SLC30A7: variants seen among roughly 807,000 people sequenced by gnomAD.
SLC30A7 encodes the protein solute carrier family 30 member 7.
In SLC30A7, 35 loss-of-function variants were observed where a neutral mutation model predicts 46.0. The ratio of observed to expected loss-of-function variants is 0.76; its 90% CI spans 0.58 to 1.01. SLC30A7 has a LOEUF of 1.01. Among genes scored for constraint, SLC30A7 ranks in the 50% least tolerant of loss-of-function variants. SLC30A7 has a pLI of 0.00. For synonymous variants in SLC30A7, 147 were observed against 157.8 expected (o/e 0.93, Z 0.51); for missense variants, 464 against 451.1 (o/e 1.03, Z -0.26).
chr1:100,955,047 G>A lies in SLC30A7; in HGVS notation c.843-6781G>A, dbSNP rs1300898736. ...TTCATCAAGATGAATCTGTAATCTT[G>A]TTTTAATTAATATTACTTGACATTT... is the stretch of plus-strand genomic sequence containing the variant. On this transcript the variant is annotated intron_variant, in intron 8 of 10. Transcript: ENST00000357650. Among the ~76,000 whole-genome samples the A allele has an allele frequency of 1.3e-5, 2 of 151,930 alleles. 1 individual carries two copies. The highest frequency in any genetic ancestry group is 4.8e-5 in the African/African-American group (2 of 41,406).
In SLC30A7 at chr1:100,912,150, G is replaced by C. The variant is rs539648466; in HGVS notation, c.423G>C (p.Leu141=). 6.8e-6 allele frequency: 11 copies of C among 1,613,760 alleles called. No homozygotes were observed. The highest frequency in any genetic ancestry group is 1.6e-4 in the Middle Eastern group (1 of 6,084). The change falls in exon 5 of 11, where the codon CTG becomes CTC. Residue 141 remains leucine (L), a synonymous_variant. Transcript: ENST00000357650. ...CTCCAGATGTCCACCATGAGAGACT[G>C]CTTCTTGTTTCCATTCTTGGGTTTG... ...LAPPDVHHER[L]LLVSILGFVV...
intron 8 of SLC30A7, among the ~76,000 whole-genome samples, chr1:100,961,350 T>G (rs1030777768): frequency 7.2e-5 from 11 of 152,240 alleles, no homozygotes; most frequent in Non-Finnish European, 1.6e-4. Context: ...ATGCAGACTT[T>G]TGGGCACCAT....
At chr1:100,983,489 CAGTA>C (rs1218760499), downstream of SLC30A7, among the ~76,000 whole-genome samples, 1 of 151,436 alleles carries the variant, frequency 6.6e-6, no homozygotes, top group Non-Finnish European at 1.5e-5. Flanking sequence ...CTAATGTTGA[CAGTA>C]AGAAATGCAT....
chr1:100,966,224 CAAAA>C (rs113502196), intron 10 of SLC30A7, among the ~76,000 whole-genome samples: 1 of 138,290 alleles, frequency 7.2e-6, no homozygotes, highest in East Asian at 2.1e-4. Flanking sequence ...GACCCTGTCT[CAAAA>C]AAAAAAAATT....
At chr1:100,981,960 A>C (rs193058858), downstream of SLC30A7, among the ~76,000 whole-genome samples, 56 of 152,330 alleles carry the variant, frequency 3.7e-4, no homozygotes, top group African/African-American at 1.3e-3. Flanking sequence ...TGTGGCTCTT[A>C]GTCAGCATCT....
chr1:100,957,570 G>T (rs547376342), intron 8 of SLC30A7, among the ~76,000 whole-genome samples: 4 of 152,190 alleles, frequency 2.6e-5, no homozygotes, highest in Admixed American at 2.6e-4. Context: ...GGAAGACTAT[G>T]TGATTTGCTT....
chr1:100,929,948 G>C (rs57494606), intron 8 of SLC30A7, among the ~76,000 whole-genome samples: 16,164 of 151,966 alleles, frequency 0.11, 928 homozygotes, highest in Middle Eastern at 0.21. Flanking sequence ...TCATAACTTA[G>C]AATGCAGAAA....
At chr1:100,917,835 T>G (rs1468418625) in intron 6 of SLC30A7, among the ~76,000 whole-genome samples, 1 of 152,182 alleles carries the variant, frequency 6.6e-6, no homozygotes, top group Non-Finnish European at 1.5e-5. Flanking sequence ...TTCCTGTGCT[T>G]TTAATCTTTT....
intron 6 of SLC30A7, among the ~76,000 whole-genome samples, chr1:100,915,740 C>T (rs1367030408): frequency 6.6e-6 from 1 of 152,144 alleles, no homozygotes; most frequent in Non-Finnish European, 1.5e-5. Flanking sequence ...GTAGTGAATA[C>T]GGAAGTGCAG....
chr1:100,955,005 C>T (rs1296819126), intron 8 of SLC30A7, among the ~76,000 whole-genome samples: 1 of 151,956 alleles, frequency 6.6e-6, no homozygotes, highest in Non-Finnish European at 1.5e-5. Context: ...TATAGGAAAA[C>T]TTAGCTCATA....
chr1:100,936,665 G>T (rs907574760), intron 8 of SLC30A7, among the ~76,000 whole-genome samples: 3 of 152,034 alleles, frequency 2.0e-5, no homozygotes, highest in Admixed American at 6.5e-5. Flanking sequence ...TCACATTGTT[G>T]TGCTGCCATC....
chr1:100,925,787 A>G (rs1348447226), intron 8 of SLC30A7, among the ~76,000 whole-genome samples: 1 of 152,222 alleles, frequency 6.6e-6, no homozygotes, highest in Admixed American at 6.5e-5. Flanking sequence ...TCAGACATTG[A>G]TATGGAGAGT....
chr1:100,964,339 G>A (rs1176759867), intron 9 of SLC30A7, among the ~76,000 whole-genome samples: 2 of 131,764 alleles, frequency 1.5e-5, no homozygotes, highest in African/African-American at 3.4e-5. Context: ...ATGTATATAT[G>A]TTATATATAC....
intron 3 of SLC30A7, among the ~76,000 whole-genome samples, chr1:100,910,823 T>C (rs1420119904): frequency 1.3e-5 from 2 of 152,134 alleles, no homozygotes. Context: ...TCTAAGAAGA[T>C]CTTTGGATTG....
Position 100,976,900 on chromosome 1 carries a change from A to C in SLC30A7, c.*2043A>C, listed in dbSNP as rs1042161558. On this transcript the variant is annotated 3_prime_UTR_variant, in exon 11 of 11. Transcript: ENST00000357650. The stretch of plus-strand genomic sequence containing the variant: ...CTTACTGCCAGGTGGTTTGAAATCT[A>C]TGATTTACTGCAGTAGTATGTGCTT... 2.0e-5 allele frequency: 3 copies of C among 152,558 alleles called. No homozygotes were observed. The highest frequency in any genetic ancestry group is 2.9e-5 in the Non-Finnish European group (2 of 68,030). 9.5% of individuals were successfully genotyped at this position (152,558 alleles called of 1,614,324 possible).
At chr1:100,988,397 TGGGA>T in the SLC30A7 span, among the ~76,000 whole-genome samples, 1 of 152,320 alleles carries the variant, frequency 6.6e-6, no homozygotes, top group African/African-American at 2.4e-5. Context: ...AGTTTATAAT[TGGGA>T]GGGTTTGTAC....
chr1:100,964,778 C>A (rs1020035504), intron 9 of SLC30A7, among the ~76,000 whole-genome samples: 8 of 152,304 alleles, frequency 5.3e-5, no homozygotes, highest in African/African-American at 1.9e-4. Context: ...CTTAAGGCCT[C>A]ATCCATGAGG....
intron 8 of SLC30A7, among the ~76,000 whole-genome samples, chr1:100,957,663 T>C (rs1056881599): frequency 6.6e-6 from 1 of 152,210 alleles, no homozygotes; most frequent in Non-Finnish European, 1.5e-5. Flanking sequence ...TAAACATTGT[T>C]AATAGTTCCC....
chr1:100,924,204 C>CTCCTT (rs2101036158), intron 8 of SLC30A7, among the ~76,000 whole-genome samples: 1 of 152,250 alleles, frequency 6.6e-6, no homozygotes, highest in South Asian at 2.1e-4. Flanking sequence ...AGGGTCTGAA[C>CTCCTT]TCCTTAGCAG....
Sources: gnomAD v4.1 joint callset for allele counts (sites outside exome capture counted in the v4.1 genomes callset) on GRCh38, gnomAD v4.1.1 for gene constraint, MANE v1.5 for transcripts, NCBI Gene and HGNC (gene_info 2026-07-23, HGNC 2026-07-21) for gene names.